The following HCRTR2 variants were observed in gnomAD, a reference collection of about 807,000 sequenced individuals.
HCRTR2 encodes the protein orexin receptor type 2.
HCRTR2 carries 22 observed loss-of-function variants against 49.0 expected under a neutral mutation model. That is an observed-to-expected ratio of 0.45 (90% CI 0.32 to 0.64). The LOEUF is 0.64. HCRTR2 is among the 30% of genes least tolerant of loss of function. The probability of loss-of-function intolerance (pLI) is 0.04; values close to 1 mark genes in which losing one functional copy is unlikely to be tolerated. For missense variants in HCRTR2, 491 were observed against 559.4 expected (o/e 0.88, Z 1.23); for synonymous variants, 236 against 205.3 (o/e 1.15, Z -1.28).
At chr6:55,126,688 T>C (rs1764283031) in intron 1 of HCRTR2, among the ~76,000 whole-genome samples, 1 of 148,610 alleles carries the variant, frequency 6.7e-6, no homozygotes, top group Non-Finnish European at 1.5e-5. Flanking sequence ...TGAAACCCCT[T>C]GCCCCAGGTG....
chr6:55,157,384 A>C (rs1404473624), intron 1 of HCRTR2, among the ~76,000 whole-genome samples: 5 of 152,248 alleles, frequency 3.3e-5, no homozygotes, highest in Non-Finnish European at 7.3e-5. Flanking sequence ...GAATCTAAGC[A>C]CATTGCAGTT....
intron 1 of HCRTR2, among the ~76,000 whole-genome samples, chr6:55,191,656 A>G (rs1337048453): frequency 1.3e-5 from 2 of 152,174 alleles, no homozygotes; most frequent in Non-Finnish European, 2.9e-5. Context: ...GTCTAAAAAC[A>G]AAAACAAAAA....
chr6:55,277,344 C>G lies in HCRTR2; in HGVS notation c.763-36C>G, dbSNP rs781578862. 16 of 1,549,346 alleles carry G rather than the reference C, an allele frequency of 1.0e-5. No homozygotes were observed. The South Asian group carries it at 1.8e-4, about 17-fold the overall frequency. ...TCCCCAAAGTGGAACTTTCCTAAGT[C>G]AAATTGCAATAAGGGTCTGTCTCTT... On this transcript the variant is annotated intron_variant, in intron 4 of 6. Transcript: ENST00000370862.
At chr6:55,176,108 G>C (rs539092586) in intron 1 of HCRTR2, among the ~76,000 whole-genome samples, 17 of 152,296 alleles carry the variant, frequency 1.1e-4, no homozygotes, top group Middle Eastern at 3.4e-3. Context: ...TCTCTCCCAA[G>C]TGTGTTGGTC....
At chr6:55,185,654 C>T (rs550110347) in intron 1 of HCRTR2, among the ~76,000 whole-genome samples, 6 of 148,300 alleles carry the variant, frequency 4.0e-5, no homozygotes, top group African/African-American at 1.5e-4. Context: ...GACATAAGGC[C>T]TTGAGTTTCC....
intron 4 of HCRTR2, among the ~76,000 whole-genome samples, chr6:55,273,688 G>T (rs1767017187): frequency 6.6e-6 from 1 of 151,670 alleles, no homozygotes; most frequent in Non-Finnish European, 1.5e-5. Context: ...GTTGTTTGTG[G>T]TTTCATTGCT....
intron 1 of HCRTR2, among the ~76,000 whole-genome samples, chr6:55,237,513 A>G (rs1197906281): frequency 6.6e-6 from 1 of 152,196 alleles, no homozygotes; most frequent in Non-Finnish European, 1.5e-5. Context: ...GTTAGGTACT[A>G]AATTTCCGGC....
intron 1 of HCRTR2, among the ~76,000 whole-genome samples, chr6:55,163,649 G>T (rs1299473752): frequency 6.6e-6 from 1 of 152,088 alleles, no homozygotes; most frequent in Admixed American, 6.5e-5. Context: ...AGACTTAAAC[G>T]TAAGACCTAA....
chr6:55,136,233 A>C (rs950194715), intron 1 of HCRTR2, among the ~76,000 whole-genome samples: 6 of 152,164 alleles, frequency 3.9e-5, no homozygotes, highest in Non-Finnish European at 7.4e-5. Context: ...AATGAAAAAT[A>C]TATAGACAAT....
At chr6:55,262,961 G>A (rs964797911) in intron 3 of HCRTR2, among the ~76,000 whole-genome samples, 3 of 151,400 alleles carry the variant, frequency 2.0e-5, no homozygotes, top group African/African-American at 7.3e-5. Context: ...TCCTAGAGGT[G>A]TTTATGCTTA....
chr6:55,151,530 A>G (rs955155404), intron 1 of HCRTR2, among the ~76,000 whole-genome samples: 2 of 151,924 alleles, frequency 1.3e-5, no homozygotes, highest in Non-Finnish European at 2.9e-5. Flanking sequence ...TTCTAATTCT[A>G]TTTCTTTTGC....
intron 1 of HCRTR2, among the ~76,000 whole-genome samples, chr6:55,207,970 G>A (rs1464838700): frequency 6.6e-6 from 1 of 152,076 alleles, no homozygotes; most frequent in East Asian, 1.9e-4. Context: ...TTAATATCTT[G>A]TCAACTTTTT....
At chr6:55,262,508 A>T (rs1296167993) in intron 3 of HCRTR2, among the ~76,000 whole-genome samples, 1 of 132,054 alleles carries the variant, frequency 7.6e-6, no homozygotes, top group African/African-American at 2.8e-5. Flanking sequence ...ATATTATAAT[A>T]TAACTTATAT....
chr6:55,259,629 T>A (rs1766716755), intron 3 of HCRTR2, among the ~76,000 whole-genome samples: 2 of 150,826 alleles, frequency 1.3e-5, no homozygotes, highest in Non-Finnish European at 3.0e-5. Context: ...AGACTAAAGA[T>A]CCACATTTGT....
At chr6:55,264,430 GA>G (rs1766825758) in intron 4 of HCRTR2, among the ~76,000 whole-genome samples, 1 of 152,016 alleles carries the variant, frequency 6.6e-6, no homozygotes, top group African/African-American at 2.4e-5. Context: ...ATTCATTCCT[GA>G]AATACATATC....
chr6:55,192,403 G>GCA (rs1765331983), intron 1 of HCRTR2, among the ~76,000 whole-genome samples: 3 of 104,544 alleles, frequency 2.9e-5, no homozygotes, highest in East Asian at 3.2e-4. Flanking sequence ...ACACACACAC[G>GCA]CGCGCGCGCG....
At chr6:55,160,040 A>T (rs1764784711) in intron 1 of HCRTR2, among the ~76,000 whole-genome samples, 1 of 152,184 alleles carries the variant, frequency 6.6e-6, no homozygotes, top group South Asian at 2.1e-4. Context: ...TAATTGTCAG[A>T]TGCACCAAGG....
intron 1 of HCRTR2, among the ~76,000 whole-genome samples, chr6:55,121,301 T>G (rs1764196248): frequency 6.6e-6 from 1 of 152,154 alleles, no homozygotes; most frequent in Non-Finnish European, 1.5e-5. Context: ...ATAGGAATGT[T>G]TGTGATTTTT....
chr6:55,248,564 G>A, intron 1 of HCRTR2, 75 bp from the exon 2 acceptor site: 1 of 1,196,828 alleles, frequency 8.4e-7, no homozygotes, highest in South Asian at 1.2e-5. Context: ...GGACTTTATA[G>A]AAATACTGAC....
Sources: gnomAD v4.1 joint callset for allele counts (sites outside exome capture counted in the v4.1 genomes callset) on GRCh38, gnomAD v4.1.1 for gene constraint, MANE v1.5 for transcripts, NCBI Gene and HGNC (gene_info 2026-07-23, HGNC 2026-07-21) for gene names.